The following FST variants were observed in gnomAD, a reference collection of about 807,000 sequenced individuals.
The protein encoded by FST is follistatin.
FST carries 6 observed loss-of-function variants against 38.4 expected under a neutral mutation model. That is an observed-to-expected ratio of 0.16 (90% confidence interval 0.09 to 0.31). The LOEUF (loss-of-function observed/expected upper bound fraction) is 0.31, where lower values mean the gene tolerates loss of function less well. Ranked by LOEUF, FST falls within the 10% of genes least tolerant of loss-of-function variation. The pLI is 1.00. For missense variants in FST, 301 were observed against 432.3 expected, an observed-to-expected ratio of 0.70 and a Z score of 2.69; for synonymous variants, 157 against 169.8, an observed-to-expected ratio of 0.92 and a Z score of 0.59.
rs1747334502 is a variant in FST at position 53,483,011 on chromosome 5, A to C, written c.217A>C (p.Asn73His). Residue 73 changes from asparagine to histidine, a missense_variant, in exon 2 of 6, where the codon AAC (asparagine) becomes CAC (histidine). Asn to His is a moderately conservative substitution (Grantham distance 68, BLOSUM62 1). Coordinates refer to ENST00000256759, the MANE Select transcript of FST (RefSeq NM_013409.3). The surrounding 1 kb of genome is among the most constrained non-coding windows in gnomAD (Gnocchi z 4.1). ...TSWTEEDVND[N>H]TLFKWMIFNG... ...GTGGACCGAGGAGGACGTGAATGAC[A>C]ACACACTCTTCAAGTGGATGATTTT... 5 of 1,614,062 alleles carry C rather than the reference A, an allele frequency of 3.1e-6. No homozygotes were observed. The highest frequency in any genetic ancestry group is 3.4e-6 in the Non-Finnish European group (4 of 1,179,906).
At chr5:53,484,572 C>A (rs1434919753) in intron 4 of FST, among the ~76,000 whole-genome samples, 2 of 152,154 alleles carry the variant, frequency 1.3e-5, no homozygotes, top group Non-Finnish European at 2.9e-5. Flanking sequence ...TTTTTAAGTG[C>A]CAGACTTGCT....
rs771883186 is a variant in FST, at chr5:53,485,103, C to G, written c.828C>G (p.Asp276Glu). The G allele has an allele frequency of 1.9e-6, 3 of 1,611,814 alleles. No individual in the cohort carries two copies. The highest frequency in any genetic ancestry group is 3.3e-5 in the Admixed American group (2 of 60,016). ...RCSLCDELCP[D>E]SKSDEPVCAS... ...CCCTCTGTGATGAGCTGTGCCCTGACAGTAAGTCGGATGAGCCTGTCTGTG... is the reference window on the plus strand; with the variant it reads ...CCCTCTGTGATGAGCTGTGCCCTGAGAGTAAGTCGGATGAGCCTGTCTGTG... The change falls in exon 5 of 6, where the codon GAC becomes GAG. Residue 276 changes from aspartate to glutamate, a missense_variant. Asp to Glu is a conservative substitution (Grantham distance 45). Transcript: ENST00000256759.
chr5:53,482,822 C>T, intron 1 of FST, 58 bp from the exon 2 acceptor site: 1 of 1,121,872 alleles, frequency 8.9e-7, no homozygotes, highest in Non-Finnish European at 1.3e-6. Flanking sequence ...CTCGCTCTCC[C>T]TGCCCTGCCA....
chr5:53,481,462 CAAAAAAAA>C (rs70983342), intron 1 of FST, among the ~76,000 whole-genome samples: 13 of 48,080 alleles, frequency 2.7e-4, no homozygotes, highest in African/African-American at 5.8e-4. Context: ...CCCATTCTCG[CAAAAAAAA>C]AAAAAAAAAA....
chr5:53,484,285 A>G lies in FST; in HGVS notation c.713A>G (p.Lys238Arg), dbSNP rs765873867. 1.2e-6 allele frequency: 2 copies of G among 1,612,892 alleles called. No homozygotes were observed. Among genetic ancestry groups the G allele is most frequent in the Non-Finnish European group, 1.7e-6 (2 of 1,178,856 alleles). The change falls in exon 4 of 6, where the codon AAG becomes AGG. Residue 238 changes from lysine (K) to arginine (R), a missense_variant. Coordinates refer to ENST00000256759, the MANE Select transcript of FST (RefSeq NM_013409.3). The stretch of plus-strand genomic sequence containing the variant: ...TCTATTGGATTAGCCTATGAGGGAA[A>G]GTGTATCAGTAGGTATTCTGGATTG... Reference protein sequence around the residue: ...GRSIGLAYEGKCIKAKSCEDI... With the variant: ...GRSIGLAYEGRCIKAKSCEDI...
chr5:53,483,014 A>G lies in FST; in HGVS notation c.220A>G (p.Thr74Ala). ...SWTEEDVNDN[T>A]LFKWMIFNGG... ...GACCGAGGAGGACGTGAATGACAAC[A>G]CACTCTTCAAGTGGATGATTTTCAA... The change falls in exon 2 of 6, where the codon ACA becomes GCA. Residue 74 changes from threonine (T) to alanine (A), a missense_variant. Coordinates refer to ENST00000256759, the MANE Select transcript of FST (RefSeq NM_013409.3). The surrounding 1 kb of genome is among the most constrained non-coding windows in gnomAD (Gnocchi z 4.1). 1 of 1,613,930 alleles carries G rather than the reference A, an allele frequency of 6.2e-7. No individual in the cohort carries two copies. The highest frequency in any genetic ancestry group is 8.5e-7 in the Non-Finnish European group (1 of 1,179,850).
Position 53,485,027 on chromosome 5 carries a change from C to G in FST, c.752C>G (p.Thr251Ser), listed in dbSNP as rs748740701. ...AAGTCCTGTGAAGATATCCAGTGCA[C>G]TGGTGGGAAAAAATGTTTATGGGAT... ...KAKSCEDIQC[T>S]GGKKCLWDFK... Residue 251 changes from threonine to serine, a missense_variant, in exon 5 of 6, where the codon ACT becomes AGT. Thr to Ser is a moderately conservative substitution (Grantham distance 58). Coordinates refer to ENST00000256759, the MANE Select transcript of FST (RefSeq NM_013409.3). 6.2e-7 allele frequency: 1 copy of G among 1,606,520 alleles called. No homozygotes were observed. The highest frequency in any genetic ancestry group is 1.1e-5 in the South Asian group (1 of 90,910).
chr5:53,486,072 C>CAAAAA lies in FST; in HGVS notation c.*56_*60dup, dbSNP rs3083659. 104 of 266,638 alleles carry CAAAAA rather than the reference C, an allele frequency of 3.9e-4. No homozygotes were observed. The highest frequency in any genetic ancestry group is 8.3e-4 in the African/African-American group (18 of 21,736). The allele number at this position is 266,638 out of a possible 1,614,324, so 16.5% of individuals were successfully genotyped here. A position where few individuals can be genotyped will look rare whatever the true frequency, so the allele number is the denominator to read the frequency against. ...GTTCAGTGTTGACATAGCCTTTGTG[C>CAAAAA]AAAAAAAAAAAAAAAAAAAAAGAAA... On this transcript the variant is annotated 3_prime_UTR_variant, in exon 6 of 6. Coordinates refer to ENST00000256759, the MANE Select transcript of FST (RefSeq NM_013409.3).
At position 53,483,920 on chromosome 5, in the gene FST, C is replaced by A; in HGVS notation, c.497-149C>A. The stretch of plus-strand genomic sequence containing the variant: ...AGAACACTGAGGGGACCAACCTAGT[C>A]ATAGATTCTCTCTTGAAAACTACAG... On this transcript the variant is annotated intron_variant, in intron 3 of 5. Transcript: ENST00000256759. This position sits in a 1 kb window ranked among gnomAD's most constrained non-coding sequence, Gnocchi z 4.1. 1 of 713,322 alleles carries A rather than the reference C, an allele frequency of 1.4e-6. No homozygotes were observed. The highest frequency in any genetic ancestry group is 2.4e-6 in the Non-Finnish European group (1 of 424,272). 44.2% of individuals were successfully genotyped at this position (713,322 alleles called of 1,614,324 possible).
At chr5:53,482,741 G>T in intron 1 of FST, 139 bp from the exon 2 acceptor site, 1 of 517,072 alleles carries the variant, frequency 1.9e-6, no homozygotes, top group South Asian at 3.0e-5. Flanking sequence ...CTTTTCTCCC[G>T]CGTCTCTCTC....
intron 1 of FST, among the ~76,000 whole-genome samples, chr5:53,482,004 A>G (rs1352962804): frequency 3.3e-5 from 5 of 152,136 alleles, no homozygotes; most frequent in Admixed American, 2.6e-4. Context: ...TTTAGAGGAG[A>G]GGCTCTGCCT....
rs768837889 is a variant in FST at position 53,480,771 on chromosome 5, C to A, written c.-21C>A. ...CGGCTCCCCGCGCCGCTGCGCTCCT[C>A]GCCCCGCGCCTGCCCCCAGGATGGT... is the stretch of plus-strand genomic sequence containing the variant. On this transcript the variant is annotated 5_prime_UTR_variant, in exon 1 of 6. Coordinates refer to ENST00000256759, the MANE Select transcript of FST (RefSeq NM_013409.3). The A allele has an allele frequency of 3.8e-6, 5 of 1,306,040 alleles. No individual in the cohort carries two copies. In the African/African-American group the frequency reaches 6.2e-5, roughly 16 times the overall value. The allele number at this position is 1,306,040 out of a possible 1,614,324, so 80.9% of individuals were successfully genotyped here.
intron 4 of FST, among the ~76,000 whole-genome samples, chr5:53,484,559 AT>A (rs1747434556): frequency 1.3e-5 from 2 of 152,192 alleles, no homozygotes; most frequent in Non-Finnish European, 2.9e-5. Context: ...AATTTTACAC[AT>A]TTTTTTAAGT....
chr5:53,485,886 T>C (rs1201924875), intron 5 of FST, 65 bp from the exon 6 acceptor site: 1 of 1,600,850 alleles, frequency 6.2e-7, no homozygotes, highest in Non-Finnish European at 8.5e-7. Context: ...AAACATACAC[T>C]GAGCTGCTTC....
In FST at chr5:53,485,034, GA is replaced by G; in HGVS notation, c.765del (p.Lys255AsnfsTer43). On this transcript the variant is annotated frameshift_variant, in exon 5 of 6. Coordinates refer to ENST00000256759, the MANE Select transcript of FST (RefSeq NM_013409.3). LOFTEE classifies it high-confidence loss of function. ...GTGAAGATATCCAGTGCACTGGTGG[GA>G]AAAAATGTTTATGGGATTTCAAGGT... The part of the protein sequence containing the change: ...SCEDIQCTGG[K>X]KCLWDFKVGR... 1 of 1,610,406 alleles carries G rather than the reference GA, an allele frequency of 6.2e-7. No homozygotes were observed. The highest frequency in any genetic ancestry group is 8.5e-7 in the Non-Finnish European group (1 of 1,176,630).
chr5:53,485,171 A>C lies in FST; in HGVS notation c.896A>C (p.Glu299Ala). ...TATGCCAGCGAGTGTGCCATGAAGG[A>C]AGCTGCCTGCTCCTCAGGTGTGCTA... ...ATYASECAMK[E>A]AACSSGVLLE... Residue 299 changes from glutamate to alanine, a missense_variant, in exon 5 of 6, where the codon GAA becomes GCA. Physicochemically the swap from Glu to Ala is moderately radical, Grantham distance 107 (BLOSUM62 -1). Transcript: ENST00000256759. 1 of 1,613,580 alleles carries C rather than the reference A, an allele frequency of 6.2e-7. No homozygotes were observed. Among genetic ancestry groups the C allele is most frequent in the Non-Finnish European group, 8.5e-7 (1 of 1,179,486 alleles).
intron 4 of FST, among the ~76,000 whole-genome samples, chr5:53,484,759 A>C (rs1192890151): frequency 6.6e-6 from 1 of 152,184 alleles, no homozygotes; most frequent in Non-Finnish European, 1.5e-5. Flanking sequence ...GCACTAATGT[A>C]GTATGTAAGA....
Position 53,485,177 on chromosome 5 carries a change from C to T in FST, c.902C>T (p.Ala301Val). 2 of 1,613,056 alleles carry T rather than the reference C, an allele frequency of 1.2e-6. No homozygotes were observed. Among genetic ancestry groups the T allele is most frequent in the Non-Finnish European group, 1.7e-6 (2 of 1,179,066 alleles). ...AGCGAGTGTGCCATGAAGGAAGCTG[C>T]CTGCTCCTCAGGTGTGCTACTGGAA... ...YASECAMKEAACSSGVLLEVK... is the reference protein window; with the variant it reads ...YASECAMKEAVCSSGVLLEVK... Residue 301 changes from alanine to valine, a missense_variant, in exon 5 of 6, where the codon GCC (alanine) becomes GTC (valine). Coordinates refer to ENST00000256759, the MANE Select transcript of FST (RefSeq NM_013409.3).
At position 53,483,729 on chromosome 5, in the gene FST, C is replaced by T; in HGVS notation, c.496+7C>T. 1.2e-6 allele frequency: 2 copies of T among 1,602,574 alleles called. No individual in the cohort carries two copies. Among genetic ancestry groups the T allele is most frequent in the Non-Finnish European group, 1.7e-6 (2 of 1,169,592 alleles). On this transcript the variant is annotated splice_region_variant and intron_variant, in intron 3 of 5. Transcript: ENST00000256759. The surrounding 1 kb of genome is among the most constrained non-coding windows in gnomAD (Gnocchi z 4.1). ...TACCAAGGCAGATGTAAAAGTAGGT[C>T]CTACCCTGTTGAGCAAGACTGGATC...
Sources: allele counts gnomAD v4.1 joint callset (sites outside exome capture counted in the v4.1 genomes callset), GRCh38; gene constraint gnomAD v4.1.1; non-coding constraint Gnocchi (gnomAD v3.1); transcripts MANE v1.5; gene names NCBI Gene and HGNC (gene_info 2026-07-23, HGNC 2026-07-21).